Variants in TMEM178B observed in about 807,000 individuals in gnomAD.
TMEM178B encodes the protein transmembrane protein 178B.
In TMEM178B, 5 loss-of-function variants were observed where a neutral mutation model predicts 31.0. That is an observed-to-expected ratio of 0.16 (90% CI 0.08 to 0.34). The LOEUF is 0.34. Ranked by LOEUF, TMEM178B falls within the 10% of genes least tolerant of loss-of-function variation. The pLI is 1.00. For synonymous variants in TMEM178B, 164 were observed against 164.0 expected (o/e 1.00, Z 0.00); for missense variants, 275 against 400.3 (o/e 0.69, Z 2.67).
At chr7:141,209,177 T>G (rs1276884651) in intron 1 of TMEM178B, among the ~76,000 whole-genome samples, 1 of 152,212 alleles carries the variant, frequency 6.6e-6, no homozygotes, top group Non-Finnish European at 1.5e-5. Context: ...TGTTACAACC[T>G]TCTACCCTTT....
At chr7:141,094,821 C>T (rs1241782915) in intron 1 of TMEM178B, among the ~76,000 whole-genome samples, 1 of 152,166 alleles carries the variant, frequency 6.6e-6, no homozygotes. Flanking sequence ...GGCTGAATAG[C>T]CACATTCTTG....
At chr7:141,157,981 T>A (rs1010327730) in intron 1 of TMEM178B, among the ~76,000 whole-genome samples, 1 of 152,148 alleles carries the variant, frequency 6.6e-6, no homozygotes, top group Admixed American at 6.5e-5. Flanking sequence ...CTGCCCAAAT[T>A]GGGTTTTTCC....
chr7:141,459,170 C>G (rs1409580473), intron 3 of TMEM178B, among the ~76,000 whole-genome samples: 1 of 152,174 alleles, frequency 6.6e-6, no homozygotes, highest in Non-Finnish European at 1.5e-5. Flanking sequence ...GCTGGGATTA[C>G]AGGCATGCGC....
chr7:141,476,418 AG>A lies in TMEM178B; in HGVS notation c.*5634del, dbSNP rs1802365416. ...AGCTAAACCAGTTAACTGTTAACCA[AG>A]GCACATGGTCAATGCCTTAGTATTT... On this transcript the variant is annotated 3_prime_UTR_variant, in exon 4 of 4. Coordinates refer to ENST00000565468, the MANE Select transcript of TMEM178B (RefSeq NM_001195278.2). The A allele has an allele frequency of 1.3e-5, 2 of 152,312 alleles. 1 individual carries two copies. Among genetic ancestry groups the A allele is most frequent in the Non-Finnish European group, 2.9e-5 (2 of 68,030 alleles). 9.4% of individuals were successfully genotyped at this position (152,312 alleles called of 1,614,324 possible).
intron 2 of TMEM178B, among the ~76,000 whole-genome samples, chr7:141,429,005 T>C (rs1054838011): frequency 6.6e-6 from 1 of 151,884 alleles, no homozygotes; most frequent in African/African-American, 2.4e-5. Context: ...ATGGCTACTA[T>C]AACAAAGACA....
chr7:141,079,783 T>G (rs1307324335), intron 1 of TMEM178B, among the ~76,000 whole-genome samples: 1 of 152,210 alleles, frequency 6.6e-6, no homozygotes, highest in East Asian at 1.9e-4. Flanking sequence ...TTATATGTAT[T>G]AGCTAATTTA....
At position 141,473,735 on chromosome 7, in the gene TMEM178B, T is replaced by A. The variant is rs918976395; in HGVS notation, c.*2949T>A. 4.6e-5 allele frequency: 7 copies of A among 152,346 alleles called. No individual in the cohort carries two copies. The East Asian group carries it at 7.7e-4, about 17-fold the overall frequency. The allele number at this position is 152,346 out of a possible 1,614,324, so 9.4% of individuals were successfully genotyped here. On this transcript the variant is annotated 3_prime_UTR_variant, in exon 4 of 4. Coordinates refer to ENST00000565468, the MANE Select transcript of TMEM178B (RefSeq NM_001195278.2). The stretch of plus-strand genomic sequence containing the variant: ...GGACCAGATAAATACGAACACACTT[T>A]GGGATCTGATCCTGCTGGGAAGCAA...
rs1029834000 is a variant in TMEM178B at position 141,418,876 on chromosome 7, C to T, written c.497-18732C>T. ...GAATTAAACTTGACAAATTTCTCTT[C>T]TCTTATGAGATTTGTCCTTCCATGC... is the stretch of plus-strand genomic sequence containing the variant. On this transcript the variant is annotated intron_variant, in intron 2 of 3. Transcript: ENST00000565468. 2.6e-5 allele frequency among the ~76,000 whole-genome samples: 4 copies of T among 151,696 alleles called. No individual in the cohort carries two copies. In the East Asian group the frequency reaches 7.8e-4, roughly 29 times the overall value.
rs115983710 is a variant in TMEM178B at position 141,470,477 on chromosome 7, G to A, written c.635-59G>A. ...ATTAACTTTTCTCTTTCTCTCTCCC[G>A]CTCCTCTCCCCTTTCCTTCTCCATT... On this transcript the variant is annotated intron_variant, in intron 3 of 3. Coordinates refer to ENST00000565468, the MANE Select transcript of TMEM178B (RefSeq NM_001195278.2). 1,147 of 1,381,164 alleles carry A rather than the reference G, an allele frequency of 8.3e-4. 4 individuals are homozygous for A. The African/African-American group carries it at 0.015, about 18-fold the overall frequency. 85.6% of individuals were successfully genotyped at this position (1,381,164 alleles called of 1,614,324 possible).
At chr7:141,190,043 G>T (rs1796671895) in intron 1 of TMEM178B, among the ~76,000 whole-genome samples, 1 of 152,108 alleles carries the variant, frequency 6.6e-6, no homozygotes, top group African/African-American at 2.4e-5. Flanking sequence ...TAAAAAATAG[G>T]CAATACATTC....
intron 2 of TMEM178B, among the ~76,000 whole-genome samples, chr7:141,377,867 C>A (rs116165349): frequency 0.016 from 2,385 of 152,198 alleles, 72 homozygotes; most frequent in African/African-American, 0.054. Context: ...TCCTGTGTAT[C>A]TTTCACTCCA....
intron 2 of TMEM178B, among the ~76,000 whole-genome samples, chr7:141,222,042 A>G (rs1797265469): frequency 6.7e-6 from 1 of 148,230 alleles, no homozygotes; most frequent in African/African-American, 2.5e-5. Context: ...CGTAGTGGTC[A>G]GAGAAGGGTC....
chr7:141,293,631 A>G (rs532046419), intron 2 of TMEM178B, among the ~76,000 whole-genome samples: 1 of 152,190 alleles, frequency 6.6e-6, no homozygotes, highest in Admixed American at 6.5e-5. Flanking sequence ...GCTTCACTCA[A>G]TTCAGTCTTC....
intron 1 of TMEM178B, among the ~76,000 whole-genome samples, chr7:141,194,406 G>A (rs1363346983): frequency 6.6e-6 from 1 of 152,050 alleles, no homozygotes; most frequent in African/African-American, 2.4e-5. Context: ...CCAAAACAAG[G>A]GCTACAGGGT....
chr7:141,393,972 A>G (rs576110116), intron 2 of TMEM178B, among the ~76,000 whole-genome samples: 37 of 150,340 alleles, frequency 2.5e-4, no homozygotes, highest in South Asian at 1.7e-3. Flanking sequence ...TCCATTATTT[A>G]TGTTCTTTTT....
rs75428869 is a variant in TMEM178B, at chr7:141,218,626, T to C, written c.496+5922T>C. On this transcript the variant is annotated intron_variant, in intron 2 of 3. Coordinates refer to ENST00000565468, the MANE Select transcript of TMEM178B (RefSeq NM_001195278.2). ...ATCTTGGGGCAGGACTCTTAACTTA[T>C]GTTTCTTGGCTAAGCCCAACCCGGC... Among the ~76,000 whole-genome samples, 304 of 142,318 alleles carry C rather than the reference T, an allele frequency of 2.1e-3. 3 individuals are homozygous for C. In the East Asian group the frequency reaches 0.034, roughly 16 times the overall value. 93.4% of individuals were successfully genotyped at this position (142,318 alleles called of 152,430 possible).
the TMEM178B span, among the ~76,000 whole-genome samples, chr7:141,510,583 AC>A: frequency 4.1e-5 from 6 of 146,536 alleles, no homozygotes; most frequent in Admixed American, 3.5e-4. Flanking sequence ...TACTCAGGAG[AC>A]TGAGGCAGGA....
At chr7:141,115,035 TTGTGTGTGTG>T (rs141595860) in intron 1 of TMEM178B, among the ~76,000 whole-genome samples, 5 of 148,654 alleles carry the variant, frequency 3.4e-5, no homozygotes, top group African/African-American at 9.8e-5. Context: ...TCTGTGGGAT[TTGTGTGTGTG>T]TGTGTGTGTG....
chr7:141,251,520 C>T (rs951656119), intron 2 of TMEM178B, among the ~76,000 whole-genome samples: 2 of 152,054 alleles, frequency 1.3e-5, no homozygotes, highest in African/African-American at 4.8e-5. Flanking sequence ...ATTGCCAGGA[C>T]CTACTAGGTG....
Sources: gnomAD v4.1 joint callset for allele counts (sites outside exome capture counted in the v4.1 genomes callset) on GRCh38, gnomAD v4.1.1 for gene constraint, MANE v1.5 for transcripts, NCBI Gene and HGNC (gene_info 2026-07-23, HGNC 2026-07-21) for gene names.